The following CNTN5 variants were observed in gnomAD, a reference collection of about 807,000 sequenced individuals.
The protein encoded by CNTN5 is contactin 5.
Under a neutral mutation model 129.1 loss-of-function variants are expected in CNTN5, and 77 were observed. The ratio of observed to expected loss-of-function variants is 0.60; its 90% CI spans 0.50 to 0.72. CNTN5 has a LOEUF of 0.72. Among genes scored for constraint, CNTN5 ranks in the 30% least tolerant of loss-of-function variants. The pLI is 0.00. For synonymous variants in CNTN5, 509 were observed against 465.6 expected (o/e 1.09, Z -1.20); for missense variants, 1,478 against 1,328.8 (o/e 1.11, Z -1.75).
At chr11:99,686,330 CT>C (rs760678421) in intron 3 of CNTN5, among the ~76,000 whole-genome samples, 5 of 151,464 alleles carry the variant, frequency 3.3e-5, no homozygotes, top group African/African-American at 4.8e-5. Context: ...GATGAATCTT[CT>C]TTTTTTTGTC....
intron 3 of CNTN5, among the ~76,000 whole-genome samples, chr11:99,799,765 T>C (rs1194577759): frequency 6.6e-6 from 1 of 152,098 alleles, no homozygotes; most frequent in Non-Finnish European, 1.5e-5. Context: ...CTTTGTAGAA[T>C]GAGTTAGGGA....
intron 2 of CNTN5, among the ~76,000 whole-genome samples, chr11:99,385,316 G>A (rs374612797): frequency 1.6e-4 from 24 of 151,462 alleles, no homozygotes; most frequent in East Asian, 1.6e-3. Flanking sequence ...AAACACCCCC[G>A]CCCCACCCCT....
chr11:99,079,347 C>A (rs1212060545), intron 1 of CNTN5, among the ~76,000 whole-genome samples: 2 of 152,024 alleles, frequency 1.3e-5, no homozygotes, highest in African/African-American at 4.8e-5. Flanking sequence ...AACAACACAG[C>A]AAATCCATAA....
chr11:99,136,409 T>C (rs565866141), intron 1 of CNTN5, among the ~76,000 whole-genome samples: 2 of 152,218 alleles, frequency 1.3e-5, no homozygotes, highest in South Asian at 4.1e-4. Context: ...AACCTAATTA[T>C]TTTTTGTCCC....
At chr11:99,720,402 CAAAA>C (rs1189157725) in intron 3 of CNTN5, among the ~76,000 whole-genome samples, 2 of 151,686 alleles carry the variant, frequency 1.3e-5, no homozygotes, top group African/African-American at 4.9e-5. Context: ...GAACTAAAGA[CAAAA>C]AACACATGAT....
intron 15 of CNTN5, among the ~76,000 whole-genome samples, chr11:100,198,773 C>T (rs1263349034): frequency 6.6e-6 from 1 of 151,758 alleles, no homozygotes; most frequent in African/African-American, 2.4e-5. Flanking sequence ...CACCTGTATG[C>T]CAAGCATGAG....
chr11:99,114,589 C>A (rs1227939262), intron 1 of CNTN5, among the ~76,000 whole-genome samples: 1 of 151,758 alleles, frequency 6.6e-6, no homozygotes, highest in Non-Finnish European at 1.5e-5. Context: ...ATTCCTAAAA[C>A]ATTTAATGAA....
chr11:99,108,910 A>G (rs1278847852), intron 1 of CNTN5, among the ~76,000 whole-genome samples: 1 of 152,034 alleles, frequency 6.6e-6, no homozygotes, highest in Non-Finnish European at 1.5e-5. Flanking sequence ...AATGATCCCC[A>G]AGATTATATC....
At chr11:100,075,832 A>G (rs1001402905) in intron 13 of CNTN5, among the ~76,000 whole-genome samples, 3 of 152,158 alleles carry the variant, frequency 2.0e-5, no homozygotes, top group Admixed American at 6.6e-5. Context: ...TCTTCAGTAG[A>G]GAAAGAGGAG....
Position 99,165,849 on chromosome 11 carries a change from A to G in CNTN5, c.-210+144579A>G, listed in dbSNP as rs1027166683. Among the ~76,000 whole-genome samples, 5 of 152,178 alleles carry G rather than the reference A, an allele frequency of 3.3e-5. No individual in the cohort carries two copies. In the East Asian group the frequency reaches 9.7e-4, roughly 29 times the overall value. On this transcript the variant is annotated intron_variant, in intron 1 of 24. Transcript: ENST00000524871. ...TACCAACCTTCATATCACACTGACC[A>G]GCTATCATTAGAAAGAAATAAGCAA...
intron 2 of CNTN5, among the ~76,000 whole-genome samples, chr11:99,498,881 A>G (rs1215282526): frequency 6.6e-6 from 1 of 152,194 alleles, no homozygotes; most frequent in African/African-American, 2.4e-5. Context: ...AATTAGGGAA[A>G]CTAATTTTAG....
chr11:99,953,285 A>G (rs1432372375), intron 7 of CNTN5, among the ~76,000 whole-genome samples: 1 of 152,196 alleles, frequency 6.6e-6, no homozygotes, highest in Non-Finnish European at 1.5e-5. Context: ...TTAGGGGAGC[A>G]AAGAGAAGAT....
At chr11:99,299,871 CT>C (rs577755503) in intron 1 of CNTN5, among the ~76,000 whole-genome samples, 35 of 152,030 alleles carry the variant, frequency 2.3e-4, no homozygotes, top group African/African-American at 8.2e-4. Flanking sequence ...GTGTAGGTGT[CT>C]TTTTTATATA....
intron 15 of CNTN5, among the ~76,000 whole-genome samples, chr11:100,214,870 A>G (rs1253572020): frequency 6.6e-6 from 1 of 152,224 alleles, no homozygotes; most frequent in Non-Finnish European, 1.5e-5. Flanking sequence ...CAAGTAAATC[A>G]GGCAGATAAC....
intron 21 of CNTN5, among the ~76,000 whole-genome samples, chr11:100,327,351 T>G (rs1481237893): frequency 6.6e-6 from 1 of 152,174 alleles, no homozygotes; most frequent in African/African-American, 2.4e-5. Flanking sequence ...TGCCTAACTG[T>G]ACTTTCTTCA....
At chr11:99,618,192 C>T (rs1950819045) in intron 3 of CNTN5, among the ~76,000 whole-genome samples, 1 of 152,038 alleles carries the variant, frequency 6.6e-6, no homozygotes, top group Non-Finnish European at 1.5e-5. Flanking sequence ...TACAGGGCTT[C>T]TATTAAGACT....
intron 16 of CNTN5, among the ~76,000 whole-genome samples, chr11:100,227,655 G>A (rs1321873041): frequency 6.6e-6 from 1 of 152,124 alleles, no homozygotes; most frequent in Non-Finnish European, 1.5e-5. Flanking sequence ...GCATAATCTG[G>A]AGAACCATAA....
intron 3 of CNTN5, among the ~76,000 whole-genome samples, chr11:99,675,737 A>G (rs1953250503): frequency 6.6e-6 from 1 of 152,226 alleles, no homozygotes; most frequent in Non-Finnish European, 1.5e-5. Flanking sequence ...ATTCTTTAAA[A>G]TTCAAGTGTT....
chr11:99,265,375 G>T (rs936169886), intron 1 of CNTN5, among the ~76,000 whole-genome samples: 2 of 152,004 alleles, frequency 1.3e-5, no homozygotes, highest in African/African-American at 4.8e-5. Context: ...ACTGGCAAAA[G>T]GGTGATAATA....
Sources: allele counts gnomAD v4.1 joint callset (sites outside exome capture counted in the v4.1 genomes callset), GRCh38; gene constraint gnomAD v4.1.1; transcripts MANE v1.5; gene names NCBI Gene and HGNC (gene_info 2026-07-23, HGNC 2026-07-21).